UVRAG: variants seen among roughly 807,000 people sequenced by gnomAD.
UVRAG encodes the protein UV radiation resistance-associated gene protein.
In UVRAG, 19 loss-of-function variants were observed where a neutral mutation model predicts 78.0. The ratio of observed to expected loss-of-function variants is 0.24; its 90% confidence interval spans 0.17 to 0.36. UVRAG has a LOEUF of 0.36. Ranked by LOEUF, UVRAG falls within the 10% of genes least tolerant of loss-of-function variation. The probability of loss-of-function intolerance (pLI) is 1.00; values close to 1 mark genes in which losing one functional copy is unlikely to be tolerated. For missense variants in UVRAG, 740 were observed against 853.8 expected (o/e 0.87, Z 1.66); for synonymous variants, 323 against 324.6 (o/e 1.00, Z 0.05).
intron 12 of UVRAG, among the ~76,000 whole-genome samples, chr11:76,038,934 C>A (rs923426979): frequency 1.3e-5 from 2 of 152,208 alleles, no homozygotes; most frequent in Non-Finnish European, 2.9e-5. Flanking sequence ...CCCTGAGCTA[C>A]ACATGAGAAG....
chr11:76,003,288 T>TTTTTTTTTTTG lies in UVRAG; in HGVS notation c.827-717_827-716insTTTTTTTTTTG, dbSNP rs1491521163. Among the ~76,000 whole-genome samples the TTTTTTTTTTTG allele has an allele frequency of 1.8e-4, 11 of 62,550 alleles. 1 individual carries two copies. The highest frequency in any genetic ancestry group is 6.7e-4 in the African/African-American group (11 of 16,494). 41.0% of individuals were successfully genotyped at this position (62,550 alleles called of 152,430 possible). ...TTTTTTTTTTTTTTTTTTTTTTTTT[T>TTTTTTTTTTTG]GGAGACAGAGTCTCGTTCTCTTGCC... On this transcript the variant is annotated intron_variant, in intron 8 of 14. Transcript: ENST00000356136.
intron 1 of UVRAG, among the ~76,000 whole-genome samples, chr11:75,818,227 C>G (rs923330518): frequency 8.6e-5 from 13 of 152,028 alleles, no homozygotes; most frequent in African/African-American, 2.4e-4. Flanking sequence ...TGTTCTTGAG[C>G]TTTATATAAA....
At chr11:75,943,617 A>G (rs910105496) in intron 6 of UVRAG, among the ~76,000 whole-genome samples, 13 of 152,128 alleles carry the variant, frequency 8.5e-5, no homozygotes, top group Non-Finnish European at 1.9e-4. Context: ...TTATTGTTCT[A>G]TAACTGTCGC....
At chr11:75,969,209 C>T (rs1949081650) in intron 7 of UVRAG, among the ~76,000 whole-genome samples, 1 of 152,178 alleles carries the variant, frequency 6.6e-6, no homozygotes, top group Non-Finnish European at 1.5e-5. Context: ...TGACTGTACT[C>T]TGAGTAACTC....
chr11:75,817,900 A>G (rs1397588370), intron 1 of UVRAG, among the ~76,000 whole-genome samples: 1 of 124,434 alleles, frequency 8.0e-6, no homozygotes, highest in African/African-American at 5.3e-5. Context: ...AAAAAAAAGA[A>G]AAAAAAAAAA....
intron 12 of UVRAG, among the ~76,000 whole-genome samples, chr11:76,040,261 C>G (rs530654065): frequency 6.6e-6 from 1 of 151,896 alleles, no homozygotes; most frequent in Admixed American, 6.6e-5. Context: ...ATCACGAGGT[C>G]AGGAGATCGA....
chr11:76,048,526 T>A (rs1436297074), intron 12 of UVRAG, among the ~76,000 whole-genome samples: 29 of 152,228 alleles, frequency 1.9e-4, no homozygotes, highest in Non-Finnish European at 2.9e-5. Flanking sequence ...GTCAGATCAG[T>A]GATCCTTGGA....
At chr11:76,120,671 C>T (rs945405056) in intron 14 of UVRAG, among the ~76,000 whole-genome samples, 2 of 152,084 alleles carry the variant, frequency 1.3e-5, no homozygotes, top group Non-Finnish European at 1.5e-5. Flanking sequence ...GGTACTGTAA[C>T]GTAAAATAGG....
Position 75,963,652 on chromosome 11 carries a change from C to T in UVRAG, c.699+2103C>T, listed in dbSNP as rs1948952798. ...ATGTTGAAAGAAATCAGATTACCTTCCAAGACCATATATGATTAACTGTGT... is the reference window on the plus strand; with the variant it reads ...ATGTTGAAAGAAATCAGATTACCTTTCAAGACCATATATGATTAACTGTGT... On this transcript the variant is annotated intron_variant, in intron 7 of 14. Coordinates refer to ENST00000356136, the MANE Select transcript of UVRAG (RefSeq NM_003369.4). 2.0e-5 allele frequency among the ~76,000 whole-genome samples: 3 copies of T among 152,176 alleles called. No individual in the cohort carries two copies. In the South Asian group the frequency reaches 6.2e-4, roughly 31 times the overall value.
intron 3 of UVRAG, among the ~76,000 whole-genome samples, chr11:75,876,835 T>C (rs531302187): frequency 6.7e-6 from 1 of 149,942 alleles, no homozygotes; most frequent in African/African-American, 2.4e-5. Flanking sequence ...CCTTATGTTT[T>C]TTTTTTATTT....
At chr11:76,068,065 C>T (rs1951228096) in intron 13 of UVRAG, among the ~76,000 whole-genome samples, 1 of 152,152 alleles carries the variant, frequency 6.6e-6, no homozygotes, top group Non-Finnish European at 1.5e-5. Context: ...TTCAAACATA[C>T]ACACAATATG....
rs527241026 is a variant in UVRAG at position 75,913,285 on chromosome 11, AAGTC to A, written c.593+1249_593+1252del. Among the ~76,000 whole-genome samples, 92 of 152,308 alleles carry A rather than the reference AAGTC, an allele frequency of 6.0e-4. No individual in the cohort carries two copies. The South Asian group carries it at 0.018, about 29-fold the overall frequency. Reference sequence around the variant, plus strand: ...CAGTAGAATTAAAAGAAAAAATACTAAGTCAGGAAGAAGAGGATTTGGGATAGTG... The same window carrying A: ...CAGTAGAATTAAAAGAAAAAATACTAAGGAAGAAGAGGATTTGGGATAGTG... On this transcript the variant is annotated intron_variant, in intron 6 of 14. Coordinates refer to ENST00000356136, the MANE Select transcript of UVRAG (RefSeq NM_003369.4).
At chr11:76,113,333 GTGTT>G (rs1369514313) in intron 13 of UVRAG, among the ~76,000 whole-genome samples, 20 of 152,022 alleles carry the variant, frequency 1.3e-4, no homozygotes, top group Non-Finnish European at 2.5e-4. Context: ...AGGGGATAAA[GTGTT>G]TGTGTGAGAG....
chr11:75,990,093 A>G (rs1949576541), intron 8 of UVRAG, among the ~76,000 whole-genome samples: 1 of 152,210 alleles, frequency 6.6e-6, no homozygotes, highest in Non-Finnish European at 1.5e-5. Context: ...AAAGTAAGTC[A>G]TTTTTAGCAG....
chr11:76,041,302 G>A (rs1286040136), intron 12 of UVRAG, among the ~76,000 whole-genome samples: 1 of 152,222 alleles, frequency 6.6e-6, no homozygotes, highest in African/African-American at 2.4e-5. Flanking sequence ...CACTACCCCA[G>A]CCCTTCTGAA....
At chr11:75,925,721 A>T (rs1948085289) in intron 6 of UVRAG, among the ~76,000 whole-genome samples, 1 of 152,228 alleles carries the variant, frequency 6.6e-6, no homozygotes, top group African/African-American at 2.4e-5. Flanking sequence ...AATATTAAAA[A>T]TTTTCACTTA....
intron 1 of UVRAG, among the ~76,000 whole-genome samples, chr11:75,849,121 T>C (rs530823577): frequency 3.6e-4 from 55 of 151,652 alleles, no homozygotes; most frequent in South Asian, 2.5e-3. Context: ...GAGGCTGCAG[T>C]GAGCCGACAT....
intron 6 of UVRAG, among the ~76,000 whole-genome samples, chr11:75,946,130 T>C (rs1948584367): frequency 6.6e-6 from 1 of 152,192 alleles, no homozygotes; most frequent in Admixed American, 6.5e-5. Flanking sequence ...TAAATGTTTA[T>C]TGCATGAATA....
intron 5 of UVRAG, among the ~76,000 whole-genome samples, chr11:75,889,543 T>A (rs1947171061): frequency 1.3e-5 from 2 of 152,230 alleles, no homozygotes; most frequent in South Asian, 4.1e-4. Context: ...GTTGCCTGCC[T>A]CTAAAGCCTG....
Sources: allele counts gnomAD v4.1 joint callset (sites outside exome capture counted in the v4.1 genomes callset), GRCh38; gene constraint gnomAD v4.1.1; transcripts MANE v1.5; gene names NCBI Gene and HGNC (gene_info 2026-07-23, HGNC 2026-07-21).